The following ATOSB variants were observed in gnomAD, a reference collection of about 807,000 sequenced individuals.
The protein encoded by ATOSB is atos homolog B.
At chr9:35,106,835 C>A in the ATOSB span, 2 of 1,568,430 alleles carry the variant, frequency 1.3e-6, no homozygotes, top group Non-Finnish European at 1.7e-6. The surrounding 1 kb of genome is among the most constrained non-coding windows in gnomAD (Gnocchi z 4.6). Flanking sequence ...TCACTTACAG[C>A]TTCAGGCGAC....
the ATOSB span, among the ~76,000 whole-genome samples, chr9:35,114,948 C>T: frequency 3.3e-5 from 5 of 151,548 alleles, no homozygotes; most frequent in East Asian, 7.7e-4. Context: ...AACAAAGTAC[C>T]GGGCAGGGCA....
At chr9:35,105,189 C>T in the ATOSB span, 1 of 1,588,310 alleles carries the variant, frequency 6.3e-7, no homozygotes, top group Non-Finnish European at 8.6e-7. This position sits in a 1 kb window ranked among gnomAD's most constrained non-coding sequence, Gnocchi z 5.5. Flanking sequence ...ATGGGCAGGT[C>T]ATTAGCCCGC....
the ATOSB span, chr9:35,105,091 A>G: frequency 4.9e-6 from 5 of 1,021,328 alleles, no homozygotes; most frequent in African/African-American, 8.3e-5. The surrounding 1 kb of genome is among the most constrained non-coding windows in gnomAD (Gnocchi z 5.5). Flanking sequence ...CAAATAATCC[A>G]TTTGGGCGTG....
the ATOSB span, chr9:35,106,780 G>A: frequency 1.3e-6 from 2 of 1,540,954 alleles, no homozygotes; most frequent in Non-Finnish European, 1.8e-6. This position sits in a 1 kb window ranked among gnomAD's most constrained non-coding sequence, Gnocchi z 4.6. Context: ...AAAGAGTACA[G>A]ACTTCTGCCC....
At chr9:35,112,616 G>A in the ATOSB span, among the ~76,000 whole-genome samples, 5 of 152,104 alleles carry the variant, frequency 3.3e-5, no homozygotes, top group African/African-American at 1.2e-4. Flanking sequence ...CTTTCTAGAG[G>A]GTACTCTAGA....
At chr9:35,107,782 G>A in the ATOSB span, 1 of 1,566,900 alleles carries the variant, frequency 6.4e-7, no homozygotes, top group South Asian at 1.2e-5. Context: ...TGTCCCCCTG[G>A]ATCTGGGGAG....
At chr9:35,108,822 C>T in the ATOSB span, 1 of 302,700 alleles carries the variant, frequency 3.3e-6, no homozygotes, top group Admixed American at 6.5e-5. Flanking sequence ...TAGTACACTC[C>T]AGGACATCCT....
the ATOSB span, chr9:35,108,820 TC>T: frequency 3.3e-6 from 1 of 300,312 alleles, no homozygotes; most frequent in Non-Finnish European, 4.9e-6. Context: ...AATAGTACAC[TC>T]CAGGACATCC....
chr9:35,105,260 G>C, the ATOSB span: 1 of 1,613,758 alleles, frequency 6.2e-7, no homozygotes, highest in Non-Finnish European at 8.5e-7. The surrounding 1 kb of genome is among the most constrained non-coding windows in gnomAD (Gnocchi z 5.5). Flanking sequence ...GAGGGGCCTC[G>C]GTCACAGCCT....
the ATOSB span, chr9:35,106,930 G>A: frequency 5.2e-6 from 8 of 1,532,820 alleles, no homozygotes; most frequent in East Asian, 2.4e-5. The surrounding 1 kb of genome is among the most constrained non-coding windows in gnomAD (Gnocchi z 4.6). Context: ...ACAGGGTGAA[G>A]GCCATGTATG....
the ATOSB span, chr9:35,108,530 G>A: frequency 2.8e-5 from 34 of 1,228,170 alleles, no homozygotes; most frequent in Non-Finnish European, 3.4e-5. Context: ...ACTCCTGAGA[G>A]GGTGACAGGT....
chr9:35,107,699 A>T, the ATOSB span: 1 of 1,607,958 alleles, frequency 6.2e-7, no homozygotes. Context: ...TTTGTGCAAG[A>T]CTGTGCAAAT....
the ATOSB span, chr9:35,108,221 A>C: frequency 6.3e-7 from 1 of 1,587,062 alleles, no homozygotes; most frequent in Non-Finnish European, 8.6e-7. Context: ...GAGGCTGTGA[A>C]GGGCCAGCCT....
the ATOSB span, chr9:35,116,012 C>A: frequency 6.6e-6 from 1 of 152,402 alleles, no homozygotes; most frequent in African/African-American, 2.4e-5. Context: ...CGAGCTCCTC[C>A]CCTGTAGCCC....
chr9:35,106,088 C>G, the ATOSB span: 2 of 1,531,134 alleles, frequency 1.3e-6, no homozygotes, highest in Admixed American at 3.9e-5. The surrounding 1 kb of genome is among the most constrained non-coding windows in gnomAD (Gnocchi z 4.6). Context: ...TCTCCACAAG[C>G]TCTCACCCTG....
At chr9:35,115,847 G>A in the ATOSB span, 1 of 152,220 alleles carries the variant, frequency 6.6e-6, no homozygotes, top group Non-Finnish European at 1.5e-5. Flanking sequence ...ACGTGGTAGT[G>A]GTTGGGGCAG....
chr9:35,114,358 C>T, the ATOSB span, among the ~76,000 whole-genome samples: 1 of 152,176 alleles, frequency 6.6e-6, no homozygotes, highest in African/African-American at 2.4e-5. Flanking sequence ...TACCCCAGGG[C>T]TTTGTCTGTC....
At chr9:35,108,745 GAGA>G in the ATOSB span, 684 of 963,812 alleles carry the variant, frequency 7.1e-4, 1 homozygote, top group Admixed American at 1.3e-3. Flanking sequence ...ACCCTGAGGA[GAGA>G]AGAACAGACG....
At chr9:35,105,562 C>A in the ATOSB span, 1 of 1,092,844 alleles carries the variant, frequency 9.2e-7, no homozygotes, top group Non-Finnish European at 1.3e-6. This position sits in a 1 kb window ranked among gnomAD's most constrained non-coding sequence, Gnocchi z 5.5. Flanking sequence ...TATGTACATA[C>A]ATACATAAAA....
Sources: gnomAD v4.1 joint callset for allele counts (sites outside exome capture counted in the v4.1 genomes callset) on GRCh38, gnomAD v4.1.1 for gene constraint, Gnocchi (gnomAD v3.1) non-coding constraint, MANE v1.5 for transcripts, NCBI Gene and HGNC (gene_info 2026-07-23, HGNC 2026-07-21) for gene names.